SLC16A1: variants seen among roughly 807,000 people sequenced by gnomAD.
SLC16A1 encodes the protein monocarboxylate transporter 1.
In SLC16A1, 11 loss-of-function variants were observed where a neutral mutation model predicts 32.2. The ratio of observed to expected loss-of-function variants is 0.34; its 90% CI spans 0.21 to 0.56. The LOEUF (loss-of-function observed/expected upper bound fraction) is 0.56, where lower values mean the gene tolerates loss of function less well. Ranked by LOEUF, SLC16A1 falls within the 20% of genes least tolerant of loss-of-function variation. SLC16A1 has a pLI of 0.87. For missense variants in SLC16A1, 435 were observed against 615.0 expected, an observed-to-expected ratio of 0.71 and a Z score of 3.10; for synonymous variants, 231 against 226.8, an observed-to-expected ratio of 1.02 and a Z score of -0.17.
chr1:112,947,431 G>A (rs1649742859), intron 1 of SLC16A1, among the ~76,000 whole-genome samples: 1 of 152,126 alleles, frequency 6.6e-6, no homozygotes, highest in African/African-American at 2.4e-5. Context: ...ATGCCAAATA[G>A]GGAGAATAAG....
intron 1 of SLC16A1, among the ~76,000 whole-genome samples, chr1:112,949,918 T>C (rs539001385): frequency 6.6e-6 from 1 of 152,162 alleles, no homozygotes; most frequent in Non-Finnish European, 1.5e-5. Context: ...ACAATGTGCT[T>C]TTAAAAAATA....
In SLC16A1 at chr1:112,929,327, C is replaced by A; in HGVS notation, c.-19G>T. ...GTGGCATTTTAAGTGTAGATAAATT[C>A]CAAAATGCAGGTCAAATCCAAATAT... On this transcript the variant is annotated 5_prime_UTR_variant, in exon 2 of 5. Coordinates refer to ENST00000369626, the MANE Select transcript of SLC16A1 (RefSeq NM_003051.4). 1.2e-6 allele frequency: 2 copies of A among 1,604,324 alleles called. No homozygotes were observed. Among genetic ancestry groups the A allele is most frequent in the South Asian group, 2.2e-5 (2 of 90,748 alleles).
At chr1:112,936,418 G>C (rs1051406537) in intron 1 of SLC16A1, among the ~76,000 whole-genome samples, 2 of 130,618 alleles carry the variant, frequency 1.5e-5, no homozygotes, top group African/African-American at 5.7e-5. Flanking sequence ...TGAGGCAGGA[G>C]AATTGCTTGA....
chr1:112,944,211 G>T (rs558388822), intron 1 of SLC16A1, among the ~76,000 whole-genome samples: 165 of 152,282 alleles, frequency 1.1e-3, no homozygotes, highest in African/African-American at 3.6e-3. Flanking sequence ...AGCACTTTGG[G>T]AGGCAGAGGC....
intron 2 of SLC16A1, chr1:112,924,111 G>C (rs747428394): frequency 1.5e-6 from 2 of 1,358,554 alleles, no homozygotes; most frequent in East Asian, 2.3e-5. Context: ...CCTGCAGGCC[G>C]CGTATGGCGC....
intron 3 of SLC16A1, among the ~76,000 whole-genome samples, chr1:112,920,582 G>A (rs1402908425): frequency 6.6e-6 from 1 of 152,086 alleles, no homozygotes; most frequent in Admixed American, 6.5e-5. Flanking sequence ...GTCTAGCCTG[G>A]CAGTGAGAGT....
At chr1:112,920,906 G>C (rs1333524037) in intron 3 of SLC16A1, among the ~76,000 whole-genome samples, 1 of 152,020 alleles carries the variant, frequency 6.6e-6, no homozygotes, top group East Asian at 1.9e-4. Flanking sequence ...TTGGGAGGCC[G>C]AGGCAGGCGG....
intron 1 of SLC16A1, among the ~76,000 whole-genome samples, chr1:112,943,833 T>C (rs1282282963): frequency 6.8e-6 from 1 of 146,578 alleles, no homozygotes; most frequent in Non-Finnish European, 1.5e-5. Context: ...ATTTAAAAAA[T>C]TACACACCAT....
chr1:112,943,806 A>G (rs1649594813), intron 1 of SLC16A1, among the ~76,000 whole-genome samples: 1 of 151,612 alleles, frequency 6.6e-6, no homozygotes. Flanking sequence ...AAAAAAAAAA[A>G]AAGATTGCAA....
chr1:112,943,787 CAA>C (rs60946516), intron 1 of SLC16A1, among the ~76,000 whole-genome samples: 88 of 49,498 alleles, frequency 1.8e-3, no homozygotes, highest in African/African-American at 3.6e-3. Flanking sequence ...GACTCCATCT[CAA>C]AAAAAAAAAA....
At chr1:112,943,273 T>C (rs1472539489) in intron 1 of SLC16A1, among the ~76,000 whole-genome samples, 1 of 152,190 alleles carries the variant, frequency 6.6e-6, no homozygotes, top group Non-Finnish European at 1.5e-5. Flanking sequence ...CACCACAGAT[T>C]AGCCGGGCAT....
At chr1:112,944,154 T>G (rs993572769) in intron 1 of SLC16A1, among the ~76,000 whole-genome samples, 5 of 152,068 alleles carry the variant, frequency 3.3e-5, no homozygotes, top group Non-Finnish European at 5.9e-5. Flanking sequence ...TATTACCTGA[T>G]AGTAAAGAAA....
intron 1 of SLC16A1, among the ~76,000 whole-genome samples, chr1:112,937,120 A>C (rs1319386767): frequency 6.6e-6 from 1 of 152,210 alleles, no homozygotes; most frequent in African/African-American, 2.4e-5. Flanking sequence ...AGAACCACTA[A>C]AAAGATTAAT....
rs188165921 is a variant in SLC16A1, at chr1:112,945,431, T to C, written c.-45+10604A>G. On this transcript the variant is annotated intron_variant, in intron 1 of 4. Coordinates refer to ENST00000369626, the MANE Select transcript of SLC16A1 (RefSeq NM_003051.4). ...GGCTCACGCCTGTAATCCCAGCACT[T>C]TGTGAGGCCGAGGCGGGTGGATCAC... 4.1e-4 allele frequency among the ~76,000 whole-genome samples: 62 copies of C among 152,098 alleles called. No homozygotes were observed. In the East Asian group the frequency reaches 0.012, roughly 28 times the overall value.
intron 1 of SLC16A1, among the ~76,000 whole-genome samples, chr1:112,943,153 T>G (rs1570642550): frequency 6.6e-6 from 1 of 152,216 alleles, no homozygotes; most frequent in Non-Finnish European, 1.5e-5. Flanking sequence ...GGGTATAAAA[T>G]GGATCACTTA....
chr1:112,919,396 T>A (rs1236166639), intron 3 of SLC16A1, among the ~76,000 whole-genome samples: 1 of 152,292 alleles, frequency 6.6e-6, no homozygotes, highest in East Asian at 1.9e-4. Flanking sequence ...CGGATTAAGG[T>A]AAATGATTCT....
intron 2 of SLC16A1, chr1:112,923,723 G>T (rs1648825081): frequency 6.5e-7 from 1 of 1,536,598 alleles, no homozygotes; most frequent in Non-Finnish European, 9.0e-7. Flanking sequence ...AAGAGACACT[G>T]AGTGCCTGCC....
chr1:112,923,343 G>A (rs1435597149), intron 2 of SLC16A1: 5 of 501,144 alleles, frequency 1.0e-5, no homozygotes, highest in Non-Finnish European at 1.8e-5. Context: ...AAAGCCACGC[G>A]GCCGCCAACT....
At chr1:112,924,288 G>A (rs1403469798) in intron 2 of SLC16A1, 9 of 1,437,726 alleles carry the variant, frequency 6.3e-6, no homozygotes, top group East Asian at 2.3e-5. Context: ...TGTTGTGGAG[G>A]CCTTTAATCA....
Sources: gnomAD v4.1 joint callset for allele counts (sites outside exome capture counted in the v4.1 genomes callset) on GRCh38, gnomAD v4.1.1 for gene constraint, MANE v1.5 for transcripts, NCBI Gene and HGNC (gene_info 2026-07-23, HGNC 2026-07-21) for gene names.